Variants in DPP6 observed in about 807,000 individuals in gnomAD.
DPP6 encodes A-type potassium channel modulatory protein DPP6.
DPP6 carries 69 observed loss-of-function variants against 122.6 expected under a neutral mutation model. The ratio of observed to expected loss-of-function variants is 0.56; its 90% CI spans 0.46 to 0.69. DPP6 has a LOEUF of 0.69. Ranked by LOEUF, DPP6 falls within the 30% of genes least tolerant of loss-of-function variation. DPP6 has a pLI of 0.00. For missense variants in DPP6, 928 were observed against 1,116.9 expected, an observed-to-expected ratio of 0.83 and a Z score of 2.41; for synonymous variants, 418 against 433.1, an observed-to-expected ratio of 0.97 and a Z score of 0.43.
chr7:154,783,461 G>A (rs554195140), intron 10 of DPP6, among the ~76,000 whole-genome samples: 2 of 152,278 alleles, frequency 1.3e-5, no homozygotes, highest in East Asian at 1.9e-4. Context: ...AGGGAGCAGC[G>A]CGGGTCAGTG....
At chr7:154,030,056 C>G (rs576544483) in intron 1 of DPP6, among the ~76,000 whole-genome samples, 3 of 152,008 alleles carry the variant, frequency 2.0e-5, no homozygotes, top group Admixed American at 6.5e-5. Flanking sequence ...ATTAGCCAGG[C>G]GTGGCGGCGC....
At chr7:154,361,447 G>A (rs544031004) in intron 1 of DPP6, among the ~76,000 whole-genome samples, 4 of 152,198 alleles carry the variant, frequency 2.6e-5, no homozygotes, top group African/African-American at 7.2e-5. Flanking sequence ...GTGAAACCAC[G>A]GTCTTTTGTT....
chr7:153,840,104 C>T, the DPP6 span, among the ~76,000 whole-genome samples: 6 of 152,248 alleles, frequency 3.9e-5, no homozygotes, highest in Admixed American at 3.9e-4. Context: ...CAAGGGGCAA[C>T]ATTTACACAA....
At chr7:154,238,208 A>G (rs1014345629) in intron 1 of DPP6, among the ~76,000 whole-genome samples, 8 of 152,186 alleles carry the variant, frequency 5.3e-5, no homozygotes, top group Non-Finnish European at 1.2e-4. Context: ...ATTATAAATA[A>G]CATTTTCATT....
At chr7:154,528,286 A>AATGC (rs1422080051) in intron 3 of DPP6, among the ~76,000 whole-genome samples, 2 of 152,200 alleles carry the variant, frequency 1.3e-5, no homozygotes, top group Non-Finnish European at 2.9e-5. Context: ...ATAGCGTTAA[A>AATGC]ATGCACTCTA....
Position 154,526,186 on chromosome 7 carries a change from A to G in DPP6, c.458-14346A>G, listed in dbSNP as rs894130809. Among the ~76,000 whole-genome samples the G allele has an allele frequency of 1.8e-4, 28 of 152,252 alleles. 1 individual carries two copies. Among genetic ancestry groups the G allele is most frequent in the African/African-American group, 6.7e-4 (28 of 41,538 alleles). On this transcript the variant is annotated intron_variant, in intron 3 of 25. Transcript: ENST00000377770. ...GCTGGAATTTGTTTTTAACTATTTA[A>G]AGATTTCCTATTTTGTCCCACAGTG...
intron 6 of DPP6, among the ~76,000 whole-genome samples, chr7:154,651,238 C>G (rs1046573810): frequency 1.3e-5 from 2 of 152,130 alleles, no homozygotes. Context: ...GGAAACCATT[C>G]TGATTGTCAA....
At chr7:154,581,968 G>A (rs62477175) in intron 5 of DPP6, among the ~76,000 whole-genome samples, 4 of 152,182 alleles carry the variant, frequency 2.6e-5, no homozygotes, top group Middle Eastern at 3.2e-3. Flanking sequence ...TAGGCCCCCT[G>A]TCCTGGGCCA....
rs1028926126 is a variant in DPP6 at position 154,821,148 on chromosome 7, T to C, written c.1666+14036T>C. ...AGGAATGGTTGAGCTTCTCATAACC[T>C]ATCTAATGGGCTGTGAATTGTGTTT... On this transcript the variant is annotated intron_variant, in intron 16 of 25. Transcript: ENST00000377770. This position sits in a 1 kb window ranked among gnomAD's most constrained non-coding sequence, Gnocchi z 4.2. Among the ~76,000 whole-genome samples the C allele has an allele frequency of 5.9e-5, 9 of 152,340 alleles. No individual in the cohort carries two copies. The South Asian group carries it at 1.9e-3, about 32-fold the overall frequency.
At chr7:154,443,710 G>A (rs576905787) in intron 1 of DPP6, among the ~76,000 whole-genome samples, 8 of 151,178 alleles carry the variant, frequency 5.3e-5, no homozygotes, top group African/African-American at 1.2e-4. Context: ...GGATGGATAC[G>A]TCGACGAATG....
chr7:154,873,771 T>C (rs945523246), intron 19 of DPP6, among the ~76,000 whole-genome samples: 13 of 148,572 alleles, frequency 8.7e-5, no homozygotes, highest in Non-Finnish European at 1.3e-4. Context: ...CACACGCACA[T>C]GCACACACAC....
chr7:154,822,403 T>A (rs1256172712), intron 16 of DPP6, among the ~76,000 whole-genome samples: 1 of 152,172 alleles, frequency 6.6e-6, no homozygotes, highest in Non-Finnish European at 1.5e-5. Flanking sequence ...GGGCCTTTTT[T>A]ATTAAAACCC....
Position 154,098,195 on chromosome 7 carries a change from C to G in DPP6, c.243+45132C>G, listed in dbSNP as rs183582997. On this transcript the variant is annotated intron_variant, in intron 1 of 25. Transcript: ENST00000377770. ...GCTTTCTCATGATAGTGAGTTCTCA[C>G]GAGATCTGATGGTTTTATAAGGGGC... Among the ~76,000 whole-genome samples the G allele has an allele frequency of 9.1e-3, 1,379 of 152,224 alleles. 24 individuals are homozygous for G. The highest frequency in any genetic ancestry group is 0.031 in the African/African-American group (1,292 of 41,528).
chr7:154,498,672 C>G (rs1375723297), intron 3 of DPP6, among the ~76,000 whole-genome samples: 1 of 152,084 alleles, frequency 6.6e-6, no homozygotes, highest in Non-Finnish European at 1.5e-5. Flanking sequence ...TGTCATTGCC[C>G]TCAAATATCA....
the DPP6 span, among the ~76,000 whole-genome samples, chr7:153,826,154 G>A: frequency 3.3e-5 from 5 of 152,242 alleles, no homozygotes; most frequent in East Asian, 9.6e-4. Context: ...GAACTGCCAG[G>A]GCCATCTCCA....
chr7:154,589,380 T>C (rs1832670755), intron 5 of DPP6, among the ~76,000 whole-genome samples: 1 of 152,252 alleles, frequency 6.6e-6, no homozygotes, highest in African/African-American at 2.4e-5. Context: ...AATTCATCCT[T>C]GTAGACCACT....
At chr7:154,250,182 T>C (rs1164837822) in intron 1 of DPP6, among the ~76,000 whole-genome samples, 1 of 152,120 alleles carries the variant, frequency 6.6e-6, no homozygotes, top group Non-Finnish European at 1.5e-5. Context: ...GGACAGGAAT[T>C]GCTCACTCGG....
In DPP6 at chr7:153,931,438, G is replaced by A. The variant is rs10262888; in HGVS notation, c.51+43704G>A. ...TGACAGTCTTACCATGATGGTGAATGAGACAAGTTTTACTATCATTTCAGG... is the reference window on the plus strand; with the variant it reads ...TGACAGTCTTACCATGATGGTGAATAAGACAAGTTTTACTATCATTTCAGG... On this transcript the variant is annotated intron_variant, in intron 1 of 25. Transcript: ENST00000404039. Among the ~76,000 whole-genome samples, 359 of 152,300 alleles carry A rather than the reference G, an allele frequency of 2.4e-3. 2 individuals are homozygous for A. Among genetic ancestry groups the A allele is most frequent in the African/African-American group, 8.3e-3 (347 of 41,560 alleles).
At chr7:153,928,236 G>C (rs941628089) in intron 1 of DPP6, among the ~76,000 whole-genome samples, 36 of 149,738 alleles carry the variant, frequency 2.4e-4, no homozygotes, top group Non-Finnish European at 5.0e-4. Context: ...TTTTGAGATG[G>C]AGTTTCATGC....
Sources: gnomAD v4.1 joint callset for allele counts (sites outside exome capture counted in the v4.1 genomes callset) on GRCh38, gnomAD v4.1.1 for gene constraint, Gnocchi (gnomAD v3.1) non-coding constraint, MANE v1.5 for transcripts, NCBI Gene and HGNC (gene_info 2026-07-23, HGNC 2026-07-21) for gene names.